PLCXD2: variants seen among roughly 807,000 people sequenced by gnomAD.
PLCXD2 encodes the protein PI-PLC X domain-containing protein 2.
A neutral mutation model predicts 28.6 loss-of-function variants in PLCXD2; 21 were observed. The ratio of observed to expected loss-of-function variants is 0.73; its 90% confidence interval spans 0.52 to 1.06. The LOEUF (loss-of-function observed/expected upper bound fraction) is 1.06. PLCXD2 is among the 50% of genes least tolerant of loss of function. PLCXD2 has a pLI of 0.00. For missense variants in PLCXD2, 369 were observed against 376.7 expected, an observed-to-expected ratio of 0.98 and a Z score of 0.17; for synonymous variants, 140 against 150.1, an observed-to-expected ratio of 0.93 and a Z score of 0.49.
At chr3:111,676,910 C>G (rs1185771526) in intron 1 of PLCXD2, 1 of 152,304 alleles carries the variant, frequency 6.6e-6, no homozygotes, top group East Asian at 1.9e-4. Context: ...TTGGCTCAAA[C>G]CATAACTCCA....
chr3:111,708,325 T>C lies in PLCXD2; in HGVS notation c.563T>C (p.Leu188Pro), dbSNP rs370255847. The change falls in exon 2 of 5, where the codon CTG (leucine) becomes CCG (proline). Residue 188 changes from leucine (L) to proline (P), a missense_variant. Transcript: ENST00000477665. ...ATCCAGGAGGCCTTTGGAAACAAGC[T>C]GTGCCCAGCCTGCAGTGTGGAAAGT... The C allele has an allele frequency of 2.0e-5, 33 of 1,614,048 alleles. No homozygotes were observed. Among genetic ancestry groups the C allele is most frequent in the Middle Eastern group, 1.6e-4 (1 of 6,082 alleles).
At chr3:111,725,976 C>T in intron 3 of PLCXD2, 1 of 397,886 alleles carries the variant, frequency 2.5e-6, no homozygotes. Context: ...GTCCAATACA[C>T]TCTTATCACA....
chr3:111,695,591 T>C (rs1940949730), intron 1 of PLCXD2, among the ~76,000 whole-genome samples: 1 of 152,254 alleles, frequency 6.6e-6, no homozygotes, highest in Admixed American at 6.5e-5. Context: ...ATCATTAGTA[T>C]TTTCAGTTTG....
At chr3:111,682,552 C>A (rs183706999) in intron 1 of PLCXD2, among the ~76,000 whole-genome samples, 1 of 152,220 alleles carries the variant, frequency 6.6e-6, no homozygotes, top group South Asian at 2.1e-4. Context: ...CATTTGTGCG[C>A]TATAATGCAA....
intron 1 of PLCXD2, among the ~76,000 whole-genome samples, chr3:111,686,395 G>A (rs1348757323): frequency 6.6e-6 from 1 of 152,154 alleles, no homozygotes; most frequent in Non-Finnish European, 1.5e-5. Context: ...GGATAATTAT[G>A]AATTTAATAG....
rs112693356 is a variant in PLCXD2 at position 111,690,723 on chromosome 3, A to G, written c.163+15315A>G. Among the ~76,000 whole-genome samples the G allele has an allele frequency of 1.1e-3, 167 of 152,286 alleles. 2 individuals are homozygous for G. Among genetic ancestry groups the G allele is most frequent in the African/African-American group, 3.7e-3 (153 of 41,558 alleles). On this transcript the variant is annotated intron_variant, in intron 1 of 4. Coordinates refer to ENST00000477665, the MANE Select transcript of PLCXD2 (RefSeq NM_001185106.1). Reference sequence around the variant, plus strand: ...TTTCCTCTGTCAGAACACCTAGCTTAGGCCTTTATTTACAGGAAAGAGAAA... The same window carrying G: ...TTTCCTCTGTCAGAACACCTAGCTTGGGCCTTTATTTACAGGAAAGAGAAA...
chr3:111,690,011 A>G (rs1479762876), intron 1 of PLCXD2, among the ~76,000 whole-genome samples: 1 of 152,224 alleles, frequency 6.6e-6, no homozygotes, highest in South Asian at 2.1e-4. Flanking sequence ...AAAGCCAATT[A>G]ATTATTATAA....
At chr3:111,679,517 A>T (rs1427489917) in intron 1 of PLCXD2, among the ~76,000 whole-genome samples, 1 of 152,176 alleles carries the variant, frequency 6.6e-6, no homozygotes, top group Non-Finnish European at 1.5e-5. Context: ...GTCATTGGTG[A>T]CAGTTGAGTG....
intron 1 of PLCXD2, among the ~76,000 whole-genome samples, chr3:111,681,238 TCAAGACAGC>T (rs1234312095): frequency 6.6e-6 from 1 of 152,188 alleles, no homozygotes; most frequent in Non-Finnish European, 1.5e-5. Context: ...AGGTGGCTGA[TCAAGACAGC>T]CAGAAAACTT....
chr3:111,690,103 C>T (rs906700956), intron 1 of PLCXD2, among the ~76,000 whole-genome samples: 1 of 150,522 alleles, frequency 6.6e-6, no homozygotes, highest in African/African-American at 2.4e-5. Context: ...GCAGATGGCC[C>T]CCCAAAATCC....
intron 1 of PLCXD2, among the ~76,000 whole-genome samples, chr3:111,702,327 A>G (rs1941055001): frequency 6.6e-6 from 1 of 152,168 alleles, no homozygotes; most frequent in South Asian, 2.1e-4. Context: ...TTTGAATTAG[A>G]GTAGCAACAG....
chr3:111,699,476 A>G (rs1941010532), intron 1 of PLCXD2, among the ~76,000 whole-genome samples: 4 of 152,132 alleles, frequency 2.6e-5, no homozygotes, highest in Admixed American at 2.0e-4. Flanking sequence ...CTAATCCCCA[A>G]ATGGCAACCC....
At chr3:111,715,249 G>C (rs1248961119) in intron 3 of PLCXD2, among the ~76,000 whole-genome samples, 1 of 152,162 alleles carries the variant, frequency 6.6e-6, no homozygotes, top group Non-Finnish European at 1.5e-5. Flanking sequence ...ATATCTCTTT[G>C]AAAGATCCCG....
intron 1 of PLCXD2, among the ~76,000 whole-genome samples, chr3:111,693,355 A>G (rs751557280): frequency 3.0e-4 from 46 of 152,174 alleles, no homozygotes; most frequent in Non-Finnish European, 6.2e-4. Context: ...CAGAGTCGGA[A>G]CCTCTGAGCC....
At chr3:111,697,278 G>C (rs753680370) in intron 1 of PLCXD2, among the ~76,000 whole-genome samples, 42 of 152,156 alleles carry the variant, frequency 2.8e-4, no homozygotes, top group Non-Finnish European at 5.9e-4. Context: ...CAGCAGGCTC[G>C]AGCTGTGCAT....
chr3:111,679,557 A>C (rs536604694), intron 1 of PLCXD2, among the ~76,000 whole-genome samples: 1 of 152,344 alleles, frequency 6.6e-6, no homozygotes, highest in South Asian at 2.1e-4. Flanking sequence ...AGTATGGAGT[A>C]AGAATGCTGG....
chr3:111,676,707 A>G (rs17423065), intron 1 of PLCXD2: 7,582 of 152,274 alleles, frequency 0.05, 273 homozygotes, highest in Non-Finnish European at 0.077. Flanking sequence ...TGGAGTTGTC[A>G]CTGAAATGAT....
chr3:111,694,758 C>A (rs900122636), intron 1 of PLCXD2, among the ~76,000 whole-genome samples: 10 of 152,166 alleles, frequency 6.6e-5, no homozygotes, highest in Non-Finnish European at 4.4e-5. Context: ...GATCCGGAGT[C>A]CAGCTAGGCC....
chr3:111,725,416 A>T, intron 3 of PLCXD2: 1 of 377,522 alleles, frequency 2.6e-6, no homozygotes, highest in Non-Finnish European at 4.7e-6. Context: ...TGTTTGAGTG[A>T]TAAGTAATTT....
Sources: allele counts gnomAD v4.1 joint callset (sites outside exome capture counted in the v4.1 genomes callset), GRCh38; gene constraint gnomAD v4.1.1; transcripts MANE v1.5; gene names NCBI Gene and HGNC (gene_info 2026-07-23, HGNC 2026-07-21).